Variants in RELCH observed in about 807,000 individuals in gnomAD.
RELCH encodes RAB11 binding and LisH domain, coiled-coil and HEAT repeat containing.
In RELCH, 41 loss-of-function variants were observed where a neutral mutation model predicts 150.3. The ratio of observed to expected loss-of-function variants is 0.27; its 90% confidence interval spans 0.21 to 0.35. RELCH has a LOEUF of 0.35. Ranked by LOEUF, RELCH falls within the 10% of genes least tolerant of loss-of-function variation. The pLI is 1.00. For synonymous variants in RELCH, 478 were observed against 531.8 expected (o/e 0.90, Z 1.39); for missense variants, 1,092 against 1,467.8 (o/e 0.74, Z 4.18).
chr18:62,222,889 T>A (rs1301028200), intron 5 of RELCH, among the ~76,000 whole-genome samples: 2 of 150,520 alleles, frequency 1.3e-5, no homozygotes, highest in African/African-American at 4.9e-5. Flanking sequence ...AAATAACGCA[T>A]GAGTTAAAAA....
intron 22 of RELCH, 60 bp downstream of exon 22, chr18:62,275,533 A>G (rs1441011060): frequency 9.6e-7 from 1 of 1,040,354 alleles, no homozygotes; most frequent in Admixed American, 1.9e-5. Context: ...TTTTGCGAAG[A>G]AGAAGGGAAT....
chr18:62,270,778 A>G (rs1347843599), intron 20 of RELCH, among the ~76,000 whole-genome samples: 1 of 151,974 alleles, frequency 6.6e-6, no homozygotes, highest in African/African-American at 2.4e-5. Context: ...ATTTCTCCTA[A>G]AGCTGTTCCT....
At chr18:62,207,996 G>A (rs552591790) in intron 1 of RELCH, among the ~76,000 whole-genome samples, 7 of 152,284 alleles carry the variant, frequency 4.6e-5, no homozygotes, top group African/African-American at 1.7e-4. Context: ...CAAAGCAGCT[G>A]TACCACTTTA....
rs2045925829 is a variant in RELCH, at chr18:62,308,063, A to G, written c.*2529A>G. The G allele has an allele frequency of 6.6e-6, 1 of 152,186 alleles. No homozygotes were observed. The highest frequency in any genetic ancestry group is 2.1e-4 in the South Asian group (1 of 4,836). 9.4% of individuals were successfully genotyped at this position (152,186 alleles called of 1,614,324 possible). ...AGCTTTTAGGATATGTCACTACTAT[A>G]GGATATGTCACTACTATACACTATA... On this transcript the variant is annotated 3_prime_UTR_variant, in exon 29 of 29. Coordinates refer to ENST00000644646, the MANE Select transcript of RELCH (RefSeq NM_001346231.2).
intron 22 of RELCH, 59 bp downstream of exon 22, chr18:62,275,532 G>A (rs1276095014): frequency 1.9e-6 from 2 of 1,031,538 alleles, no homozygotes; most frequent in Non-Finnish European, 3.0e-6. Context: ...TTTTTGCGAA[G>A]AAGAAGGGAA....
At chr18:62,296,506 AACCCAGG>A (rs2045416224) in intron 27 of RELCH, among the ~76,000 whole-genome samples, 1 of 152,170 alleles carries the variant, frequency 6.6e-6, no homozygotes, top group Non-Finnish European at 1.5e-5. Context: ...GAATCATTTG[AACCCAGG>A]AGGTGGAGGT....
intron 1 of RELCH, among the ~76,000 whole-genome samples, chr18:62,195,650 T>A (rs2038983677): frequency 6.6e-6 from 1 of 152,086 alleles, no homozygotes; most frequent in African/African-American, 2.4e-5. Context: ...TATGTTTGAA[T>A]GTAATCATTT....
chr18:62,237,754 A>G (rs1418700104), intron 10 of RELCH, among the ~76,000 whole-genome samples: 1 of 151,792 alleles, frequency 6.6e-6, no homozygotes, highest in Non-Finnish European at 1.5e-5. Flanking sequence ...TCCTTAAGTA[A>G]GCAATTAAAA....
rs531911581 is a variant in RELCH at position 62,280,619 on chromosome 18, A to G, written c.3051-27A>G. 29 of 1,570,150 alleles carry G rather than the reference A, an allele frequency of 1.8e-5. No homozygotes were observed. The Admixed American group carries it at 2.7e-4, about 15-fold the overall frequency. ...TACTCGTTGTTCATCTCAAATCTTC[A>G]GTTTCTTTCTGTTTTAATTCTAACA... On this transcript the variant is annotated intron_variant, in intron 23 of 28. Transcript: ENST00000644646.
chr18:62,202,885 A>G (rs987962867), intron 1 of RELCH, among the ~76,000 whole-genome samples: 3 of 152,216 alleles, frequency 2.0e-5, no homozygotes, highest in African/African-American at 7.2e-5. Flanking sequence ...GAATAAAACA[A>G]TGAAGCCTGG....
Position 62,213,822 on chromosome 18 carries a change from C to T in RELCH, c.616+2580C>T, listed in dbSNP as rs532958701. Among the ~76,000 whole-genome samples, 214 of 151,378 alleles carry T rather than the reference C, an allele frequency of 1.4e-3. 9 individuals carry two copies. The South Asian group carries it at 0.042, about 30-fold the overall frequency. The stretch of plus-strand genomic sequence containing the variant: ...GAAGAGAAGAAGAAAATAGAAGTTC[C>T]TCTGACCAAATTTCACTGTGTACAT... On this transcript the variant is annotated intron_variant, in intron 2 of 28. Transcript: ENST00000644646.
intron 2 of RELCH, among the ~76,000 whole-genome samples, chr18:62,213,835 T>C (rs2040323735): frequency 1.3e-5 from 2 of 152,028 alleles, no homozygotes; most frequent in African/African-American, 4.8e-5. Flanking sequence ...TGACCAAATT[T>C]CACTGTGTAC....
At chr18:62,189,327 G>A (rs763062864) in intron 1 of RELCH, among the ~76,000 whole-genome samples, 1 of 128,268 alleles carries the variant, frequency 7.8e-6, no homozygotes, top group African/African-American at 2.9e-5. Flanking sequence ...ATTATCTCAT[G>A]ATTTTTCACC....
In RELCH at chr18:62,244,885, G is replaced by T; in HGVS notation, c.1733+9G>T. 3 of 1,522,138 alleles carry T rather than the reference G, an allele frequency of 2.0e-6. No individual in the cohort carries two copies. In the South Asian group the frequency reaches 3.4e-5, roughly 17 times the overall value. 94.3% of individuals were successfully genotyped at this position (1,522,138 alleles called of 1,614,324 possible). ...CCAGATGATGAGCAAAGGTGGGTATGATTACATATGTGAAAAAGAAATACA... is the reference window on the plus strand; with the variant it reads ...CCAGATGATGAGCAAAGGTGGGTATTATTACATATGTGAAAAAGAAATACA... On this transcript the variant is annotated intron_variant, in intron 11 of 28. Coordinates refer to ENST00000644646, the MANE Select transcript of RELCH (RefSeq NM_001346231.2).
intron 20 of RELCH, chr18:62,269,496 A>G: frequency 5.8e-6 from 2 of 343,476 alleles, no homozygotes; most frequent in South Asian, 4.4e-5. Context: ...TATACACATT[A>G]TACACATAGC....
At chr18:62,194,560 A>G (rs2038890377) in intron 1 of RELCH, among the ~76,000 whole-genome samples, 3 of 152,226 alleles carry the variant, frequency 2.0e-5, no homozygotes, top group Admixed American at 2.0e-4. Flanking sequence ...ACTTGTATAA[A>G]ACTGTGCTCA....
rs181941697 is a variant in RELCH, at chr18:62,236,661, C to G, written c.1620+4234C>G. Among the ~76,000 whole-genome samples, 4 of 151,978 alleles carry G rather than the reference C, an allele frequency of 2.6e-5. No homozygotes were observed. The East Asian group carries it at 7.7e-4, about 29-fold the overall frequency. ...TTAATTTCTGTAACATCGGTACTAA[C>G]ATCCTTGCTTTCATTTCTGATCCTA... On this transcript the variant is annotated intron_variant, in intron 10 of 28. Transcript: ENST00000644646.
At chr18:62,241,869 AAC>A (rs1328171120) in intron 10 of RELCH, among the ~76,000 whole-genome samples, 56 of 152,346 alleles carry the variant, frequency 3.7e-4, no homozygotes, top group African/African-American at 1.3e-3. Context: ...GTGAATAAAT[AAC>A]ACAACAGACA....
intron 16 of RELCH, among the ~76,000 whole-genome samples, chr18:62,263,026 T>G (rs532514659): frequency 6.6e-6 from 1 of 152,042 alleles, no homozygotes; most frequent in Non-Finnish European, 1.5e-5. Flanking sequence ...TGGCACACTT[T>G]CTGTGTGCTT....
Sources: gnomAD v4.1 joint callset for allele counts (sites outside exome capture counted in the v4.1 genomes callset) on GRCh38, gnomAD v4.1.1 for gene constraint, MANE v1.5 for transcripts, NCBI Gene and HGNC (gene_info 2026-07-23, HGNC 2026-07-21) for gene names.